KCNMA1: variants seen among roughly 807,000 people sequenced by gnomAD.
The protein encoded by KCNMA1 is potassium calcium-activated channel subfamily M alpha 1.
Under a neutral mutation model 140.0 loss-of-function variants are expected in KCNMA1, and 29 were observed. The ratio of observed to expected loss-of-function variants is 0.21; its 90% CI spans 0.15 to 0.28. The LOEUF (loss-of-function observed/expected upper bound fraction) is 0.28. KCNMA1 is among the 10% of genes least tolerant of loss of function. KCNMA1 has a pLI of 1.00. For synonymous variants in KCNMA1, 612 were observed against 611.9 expected (o/e 1.00, Z 0.00); for missense variants, 880 against 1,602.2 (o/e 0.55, Z 7.70).
intron 1 of KCNMA1, among the ~76,000 whole-genome samples, chr10:77,615,189 C>G (rs1204986773): frequency 6.6e-6 from 1 of 152,192 alleles, no homozygotes. Flanking sequence ...AGGGCTGGGT[C>G]TGGAGCCTGG....
chr10:76,894,392 G>A (rs918882545), intron 25 of KCNMA1, among the ~76,000 whole-genome samples: 1 of 152,076 alleles, frequency 6.6e-6, no homozygotes, highest in Non-Finnish European at 1.5e-5. Context: ...GAAAATATAG[G>A]AGTAAGTCTT....
chr10:77,282,334 G>C (rs2068930146), intron 2 of KCNMA1, among the ~76,000 whole-genome samples: 1 of 152,104 alleles, frequency 6.6e-6, no homozygotes, highest in African/African-American at 2.4e-5. Flanking sequence ...ACCTTCCTCT[G>C]TGCCACCACG....
intron 2 of KCNMA1, among the ~76,000 whole-genome samples, chr10:77,286,750 G>GGT (rs10588746): frequency 2.8e-4 from 37 of 133,164 alleles, no homozygotes; most frequent in African/African-American, 4.3e-4. Context: ...GACTAGGGAC[G>GGT]GTGTGTGTGT....
intron 2 of KCNMA1, among the ~76,000 whole-genome samples, chr10:77,278,723 GATTCGTTAAAGAATATAAC>G (rs2067445116): frequency 6.6e-6 from 1 of 152,218 alleles, no homozygotes; most frequent in African/African-American, 2.4e-5. Flanking sequence ...ATCACATGAC[GATTCGTTAAAGAATATAAC>G]CTCCACCCAA....
rs181495115 is a variant in KCNMA1, at chr10:77,002,153, C to T, written c.2093-573G>A. Among the ~76,000 whole-genome samples, 228 of 152,232 alleles carry T rather than the reference C, an allele frequency of 1.5e-3. 1 individual carries two copies. Among genetic ancestry groups the T allele is most frequent in the African/African-American group, 5.3e-3 (221 of 41,544 alleles). On this transcript the variant is annotated intron_variant, in intron 18 of 27. Transcript: ENST00000286628. ...GTGTTAATACAGTATCTAAGGATGC[C>T]TTTGCTGAACTTCCCGAGAGTGAGT...
chr10:77,220,099 G>A (rs1172794390), intron 3 of KCNMA1, among the ~76,000 whole-genome samples: 1 of 152,146 alleles, frequency 6.6e-6, no homozygotes, highest in East Asian at 1.9e-4. Flanking sequence ...TTTATCTGTT[G>A]ACTCAATTAA....
chr10:77,007,442 A>C (rs2089218558), intron 18 of KCNMA1, among the ~76,000 whole-genome samples: 1 of 152,012 alleles, frequency 6.6e-6, no homozygotes, highest in Non-Finnish European at 1.5e-5. Context: ...CTGTGCAAAT[A>C]CTTGTCTCCA....
intron 2 of KCNMA1, among the ~76,000 whole-genome samples, chr10:77,392,034 G>C (rs960399067): frequency 6.6e-6 from 1 of 150,444 alleles, no homozygotes; most frequent in East Asian, 2.0e-4. Flanking sequence ...CTCAGTAGCC[G>C]CAAATACAGA....
chr10:77,535,154 C>A (rs949467867), intron 1 of KCNMA1, among the ~76,000 whole-genome samples: 6 of 152,156 alleles, frequency 3.9e-5, no homozygotes, highest in African/African-American at 1.4e-4. Context: ...GTAGCAACCA[C>A]ACATCAGTTA....
chr10:77,441,718 G>C (rs138988190), intron 1 of KCNMA1, among the ~76,000 whole-genome samples: 1 of 152,042 alleles, frequency 6.6e-6, no homozygotes, highest in South Asian at 2.1e-4. Flanking sequence ...ACCACTCTGC[G>C]ACCCTGCAGA....
intron 1 of KCNMA1, among the ~76,000 whole-genome samples, chr10:77,547,291 A>G (rs934642834): frequency 1.3e-5 from 2 of 152,196 alleles, no homozygotes; most frequent in African/African-American, 2.4e-5. Flanking sequence ...GCCTCCCCAC[A>G]GGGCTGCAAT....
At chr10:77,202,219 G>GAA (rs1177826594) in intron 3 of KCNMA1, among the ~76,000 whole-genome samples, 1 of 152,096 alleles carries the variant, frequency 6.6e-6, no homozygotes, top group South Asian at 2.1e-4. Flanking sequence ...AGAGGGATAA[G>GAA]AAACCACAGT....
chr10:77,389,552 C>A (rs2095737767), intron 2 of KCNMA1, among the ~76,000 whole-genome samples: 1 of 152,114 alleles, frequency 6.6e-6, no homozygotes, highest in Non-Finnish European at 1.5e-5. Context: ...GAGGCTCTTC[C>A]AGTCAAATTT....
downstream of KCNMA1, among the ~76,000 whole-genome samples, chr10:76,883,507 C>T (rs370627071): frequency 6.6e-5 from 10 of 152,138 alleles, no homozygotes; most frequent in South Asian, 4.1e-4. Flanking sequence ...GATGATGCCA[C>T]GATCACCCAA....
chr10:76,989,400 T>C (rs2153309318), intron 19 of KCNMA1, among the ~76,000 whole-genome samples: 1 of 152,260 alleles, frequency 6.6e-6, no homozygotes, highest in Non-Finnish European at 1.5e-5. Flanking sequence ...TGTTGGGTAA[T>C]AGACATCAGC....
chr10:77,505,097 C>T (rs2045355919), intron 1 of KCNMA1, among the ~76,000 whole-genome samples: 1 of 152,168 alleles, frequency 6.6e-6, no homozygotes, highest in Non-Finnish European at 1.5e-5. Flanking sequence ...GTCAGCAGCT[C>T]TCAAGGCAAT....
intron 1 of KCNMA1, among the ~76,000 whole-genome samples, chr10:77,557,305 T>C (rs990477636): frequency 6.6e-6 from 1 of 152,180 alleles, no homozygotes; most frequent in East Asian, 1.9e-4. Context: ...GTTATGGGCA[T>C]TTTCCATCTG....
At chr10:77,478,294 A>C (rs913626796) in intron 1 of KCNMA1, among the ~76,000 whole-genome samples, 1 of 152,228 alleles carries the variant, frequency 6.6e-6, no homozygotes, top group African/African-American at 2.4e-5. Context: ...GCTGAGCTGC[A>C]GTCAACCCCT....
intron 1 of KCNMA1, among the ~76,000 whole-genome samples, chr10:77,528,535 G>T (rs1462336071): frequency 1.3e-5 from 2 of 151,920 alleles, no homozygotes; most frequent in South Asian, 4.2e-4. Flanking sequence ...GCTTGAACCA[G>T]GAGGCAGAGG....
Sources: gnomAD v4.1 joint callset for allele counts (sites outside exome capture counted in the v4.1 genomes callset) on GRCh38, gnomAD v4.1.1 for gene constraint, MANE v1.5 for transcripts, NCBI Gene and HGNC (gene_info 2026-07-23, HGNC 2026-07-21) for gene names.